Variants in GTF2H1 observed in about 807,000 individuals in gnomAD.
GTF2H1 encodes the protein general transcription factor IIH subunit 1.
A neutral mutation model predicts 71.2 loss-of-function variants in GTF2H1; 16 were observed. That is an observed-to-expected ratio of 0.22 (90% CI 0.15 to 0.34). The LOEUF is 0.34. Among genes scored for constraint, GTF2H1 ranks in the 10% least tolerant of loss-of-function variants. The probability of loss-of-function intolerance (pLI) is 1.00; values close to 1 mark genes in which losing one functional copy is unlikely to be tolerated. For synonymous variants in GTF2H1, 215 were observed against 219.0 expected, an observed-to-expected ratio of 0.98 and a Z score of 0.16; for missense variants, 498 against 648.2, an observed-to-expected ratio of 0.77 and a Z score of 2.52.
Position 18,333,928 on chromosome 11 carries a change from G to T in GTF2H1, c.154+700G>T, listed in dbSNP as rs565588401. Among the ~76,000 whole-genome samples the T allele has an allele frequency of 1.1e-4, 17 of 152,294 alleles. No homozygotes were observed. In the South Asian group the frequency reaches 3.1e-3, roughly 28 times the overall value. On this transcript the variant is annotated intron_variant, in intron 2 of 14. Coordinates refer to ENST00000265963, the MANE Select transcript of GTF2H1 (RefSeq NM_005316.4). ...ACTCAACCTTATAGTGAATGTAGGT[G>T]GTGGAATCTCTTTTTATAAATTTCA...
chr11:18,342,259 T>TG (rs1438797456), intron 7 of GTF2H1, among the ~76,000 whole-genome samples: 1,920 of 129,228 alleles, frequency 0.015, 71 homozygotes, highest in African/African-American at 0.059. Flanking sequence ...TCTCTTTTTT[T>TG]TTTTTTTTTT....
chr11:18,328,970 AGGT>A (rs1355615288), intron 1 of GTF2H1, among the ~76,000 whole-genome samples: 2 of 152,238 alleles, frequency 1.3e-5, no homozygotes, highest in Non-Finnish European at 2.9e-5. Context: ...GTCAGTTAAA[AGGT>A]GGTATCGTTT....
intron 10 of GTF2H1, 40 bp downstream of exon 10, chr11:18,352,009 A>G (rs1436498007): frequency 1.0e-6 from 1 of 993,690 alleles, no homozygotes; most frequent in East Asian, 2.4e-5. Context: ...CTATGTAACA[A>G]TTCAGTCCAA....
chr11:18,362,668 CT>C (rs35306497), intron 14 of GTF2H1, among the ~76,000 whole-genome samples: 69,044 of 107,310 alleles, frequency 0.64, 21,197 homozygotes, highest in East Asian at 0.94. Context: ...TTTTCTTTTT[CT>C]TTTTTTTTTT....
chr11:18,358,656 G>C lies in GTF2H1; in HGVS notation c.1467+16G>C. On this transcript the variant is annotated intron_variant, in intron 13 of 14. Coordinates refer to ENST00000265963, the MANE Select transcript of GTF2H1 (RefSeq NM_005316.4). ...AGAAGAAAAGGTTAGAACCAGTTCTGAAGACAGCCAGATAATTGTGGTAGT... is the reference window on the plus strand; with the variant it reads ...AGAAGAAAAGGTTAGAACCAGTTCTCAAGACAGCCAGATAATTGTGGTAGT... The C allele has an allele frequency of 1.3e-5, 18 of 1,433,088 alleles. No homozygotes were observed. Among genetic ancestry groups the C allele is most frequent in the Non-Finnish European group, 1.6e-5 (16 of 1,016,418 alleles). The allele number at this position is 1,433,088 out of a possible 1,614,324, so 88.8% of individuals were successfully genotyped here.
chr11:18,337,038 G>A (rs752222103), intron 3 of GTF2H1, among the ~76,000 whole-genome samples: 4 of 152,114 alleles, frequency 2.6e-5, no homozygotes, highest in Admixed American at 6.6e-5. Flanking sequence ...GGTGTGAACC[G>A]CCACACCTGG....
At chr11:18,359,604 T>A (rs1036435567) in intron 13 of GTF2H1, among the ~76,000 whole-genome samples, 19 of 152,192 alleles carry the variant, frequency 1.2e-4, no homozygotes, top group Non-Finnish European at 1.3e-4. Flanking sequence ...TAGCTAGAGA[T>A]GGTCTACCAC....
intron 5 of GTF2H1, among the ~76,000 whole-genome samples, chr11:18,339,963 A>G (rs1865119201): frequency 6.6e-6 from 1 of 152,222 alleles, no homozygotes; most frequent in Non-Finnish European, 1.5e-5. Context: ...CTAAAAGTAT[A>G]GATTCCTTGA....
Position 18,338,216 on chromosome 11 carries a change from C to A in GTF2H1, c.455C>A (p.Thr152Lys). 6.2e-7 allele frequency: 1 copy of A among 1,608,348 alleles called. No individual in the cohort carries two copies. Among genetic ancestry groups the A allele is most frequent in the Non-Finnish European group, 8.5e-7 (1 of 1,174,718 alleles). ...GCCAATCGTTTAAATGTGAATGCAA[C>A]AGATAGTTCTTCCACATCCAATCAT... ...FWANRLNVNA[T>K]DSSSTSNHKQ... Residue 152 changes from threonine (T) to lysine (K), a missense_variant, in exon 4 of 15, where the codon ACA (threonine) becomes AAA (lysine). Thr to Lys is a moderately conservative substitution (Grantham distance 78). Around this residue, in one of 3 missense-constraint regions of GTF2H1, gnomAD observed 216 missense variants for 306.2 expected, o/e 0.71. Coordinates refer to ENST00000265963, the MANE Select transcript of GTF2H1 (RefSeq NM_005316.4).
chr11:18,331,079 A>G (rs1180495226), intron 1 of GTF2H1, among the ~76,000 whole-genome samples: 1 of 152,022 alleles, frequency 6.6e-6, no homozygotes, highest in Non-Finnish European at 1.5e-5. Flanking sequence ...GCAGGGTTTC[A>G]CTTTCATCCC....
intron 14 of GTF2H1, among the ~76,000 whole-genome samples, chr11:18,365,228 AT>A (rs1865793680): frequency 6.6e-6 from 1 of 152,016 alleles, no homozygotes; most frequent in South Asian, 2.1e-4. Context: ...AAATACAAAA[AT>A]TAGCCAGGTG....
intron 14 of GTF2H1, among the ~76,000 whole-genome samples, chr11:18,361,600 CAG>C (rs4150670): frequency 0.011 from 1,647 of 152,300 alleles, 13 homozygotes; most frequent in East Asian, 0.04. Context: ...ACCTGGGAGA[CAG>C]GGGTTGCGGT....
intron 3 of GTF2H1, among the ~76,000 whole-genome samples, chr11:18,336,165 C>T (rs557555511): frequency 5.9e-5 from 9 of 152,016 alleles, no homozygotes; most frequent in Non-Finnish European, 1.2e-4. Flanking sequence ...TTCGCTCTGT[C>T]GCCTAGGCTG....
intron 1 of GTF2H1, among the ~76,000 whole-genome samples, chr11:18,324,933 C>T (rs1047076221): frequency 6.6e-6 from 1 of 152,212 alleles, no homozygotes; most frequent in Non-Finnish European, 1.5e-5. Flanking sequence ...ATCAGTTATT[C>T]TCCTTAATAT....
intron 14 of GTF2H1, among the ~76,000 whole-genome samples, chr11:18,363,011 G>C (rs1365312016): frequency 6.7e-6 from 1 of 150,232 alleles, no homozygotes; most frequent in Non-Finnish European, 1.5e-5. Context: ...TTAAACTTTT[G>C]TTAAAAACTA....
chr11:18,364,077 A>T (rs1865765930), intron 14 of GTF2H1, among the ~76,000 whole-genome samples: 1 of 152,042 alleles, frequency 6.6e-6, no homozygotes, highest in Non-Finnish European at 1.5e-5. Flanking sequence ...CCATCTCAAA[A>T]AAAAAAGAAA....
Position 18,333,063 on chromosome 11 carries a change from C to T in GTF2H1, c.-12C>T, listed in dbSNP as rs780552516. 1.2e-6 allele frequency: 2 copies of T among 1,606,036 alleles called. No homozygotes were observed. Among genetic ancestry groups the T allele is most frequent in the Non-Finnish European group, 1.7e-6 (2 of 1,177,528 alleles). On this transcript the variant is annotated 5_prime_UTR_variant, in exon 2 of 15. Transcript: ENST00000265963. ...TCATCTTTTTTTTCTCTCTTAGCAC[C>T]TTCTAGCCACCATGGCAACCTCATC...
At chr11:18,330,523 A>AT (rs1366395998) in intron 1 of GTF2H1, among the ~76,000 whole-genome samples, 2 of 152,158 alleles carry the variant, frequency 1.3e-5, no homozygotes, top group African/African-American at 4.8e-5. Flanking sequence ...GCTAACTTGC[A>AT]TTTTTCTATC....
intron 10 of GTF2H1, 92 bp downstream of exon 10, chr11:18,352,061 G>T: frequency 1.4e-6 from 1 of 728,738 alleles, no homozygotes; most frequent in Non-Finnish European, 2.4e-6. Flanking sequence ...TAATCAGTTC[G>T]TCACCATCAA....
Sources: gnomAD v4.1 joint callset for allele counts (sites outside exome capture counted in the v4.1 genomes callset) on GRCh38, gnomAD v4.1.1 for gene constraint, gnomAD v4.1.1 regional missense constraint, MANE v1.5 for transcripts, NCBI Gene and HGNC (gene_info 2026-07-23, HGNC 2026-07-21) for gene names.